The following KCNQ1 variants were observed in gnomAD, a reference collection of about 807,000 sequenced individuals.
KCNQ1 encodes the protein potassium voltage-gated channel subfamily Q member 1.
KCNQ1 carries 49 observed loss-of-function variants against 72.4 expected under a neutral mutation model. That is an observed-to-expected ratio of 0.68 (90% CI 0.54 to 0.86). The LOEUF is 0.86. Among genes scored for constraint, KCNQ1 ranks in the 40% least tolerant of loss-of-function variants. The probability of loss-of-function intolerance (pLI) is 0.00; values close to 1 mark genes in which losing one functional copy is unlikely to be tolerated. For missense variants in KCNQ1, 790 were observed against 945.1 expected (o/e 0.84, Z 2.15); for synonymous variants, 450 against 412.6 (o/e 1.09, Z -1.10).
chr11:2,456,878 G>T (rs893325661), intron 1 of KCNQ1, among the ~76,000 whole-genome samples: 2 of 145,888 alleles, frequency 1.4e-5, no homozygotes, highest in African/African-American at 5.1e-5. Context: ...GACGGAGCTT[G>T]CAGTAAGCCG....
intron 1 of KCNQ1, among the ~76,000 whole-genome samples, chr11:2,476,265 T>C (rs1846567435): frequency 1.3e-5 from 2 of 152,164 alleles, no homozygotes; most frequent in African/African-American, 4.8e-5. Flanking sequence ...ATATCTCTGA[T>C]TTCAACGTAT....
intron 3 of KCNQ1, 70 bp downstream of exon 3, chr11:2,570,824 C>A: frequency 1.3e-6 from 2 of 1,593,990 alleles, no homozygotes; most frequent in Non-Finnish European, 8.5e-7. Context: ...ACCTCATGAC[C>A]CCTACCAGAT....
Position 2,463,664 on chromosome 11 carries a change from A to T in KCNQ1, c.386+18180A>T, listed in dbSNP as rs770096345. Reference sequence around the variant, plus strand: ...ACTCCCTGTGCTGGGCACTGCGCTGAGCTCAACACACAGGGGCTCGGGGAG... The same window carrying T: ...ACTCCCTGTGCTGGGCACTGCGCTGTGCTCAACACACAGGGGCTCGGGGAG... On this transcript the variant is annotated intron_variant, in intron 1 of 15. Transcript: ENST00000155840. This position sits in a 1 kb window ranked among gnomAD's most constrained non-coding sequence, Gnocchi z 7.0. Among the ~76,000 whole-genome samples, 2 of 152,114 alleles carry T rather than the reference A, an allele frequency of 1.3e-5. No individual in the cohort carries two copies. Among genetic ancestry groups the T allele is most frequent in the Non-Finnish European group, 2.9e-5 (2 of 68,014 alleles).
intron 10 of KCNQ1, chr11:2,609,180 T>TA (rs759417486): frequency 7.3e-5 from 29 of 398,184 alleles, no homozygotes; most frequent in Admixed American, 5.7e-4. Context: ...ATTCCATCTT[T>TA]ACACTGCTTT....
chr11:2,628,091 A>G, intron 10 of KCNQ1: 2 of 398,612 alleles, frequency 5.0e-6, no homozygotes, highest in East Asian at 3.6e-5. Flanking sequence ...TAACACTACA[A>G]TGAACATGGG....
rs565394479 is a variant in KCNQ1 at position 2,635,942 on chromosome 11, G to A, written c.1394-26019G>A. The A allele has an allele frequency of 4.2e-3, 632 of 152,248 alleles. 4 individuals are homozygous for A. The highest frequency in any genetic ancestry group is 0.015 in the African/African-American group (612 of 41,538). The allele number at this position is 152,248 out of a possible 1,614,324, so 9.4% of individuals were successfully genotyped here. ...TCCTAGGTATTTTATTCTCTTTGAA[G>A]CAATTGTGAATGGGAGTTCACTCAT... On this transcript the variant is annotated intron_variant, in intron 10 of 15. Transcript: ENST00000155840.
At chr11:2,542,099 A>G (rs1847837160) in intron 2 of KCNQ1, among the ~76,000 whole-genome samples, 4 of 152,354 alleles carry the variant, frequency 2.6e-5, no homozygotes, top group African/African-American at 9.6e-5. Context: ...GGGGGTATCC[A>G]GACTCCTGAG....
rs775316135 is a variant in KCNQ1, at chr11:2,509,153, C to T, written c.387-18775C>T. Among the ~76,000 whole-genome samples, 2 of 152,234 alleles carry T rather than the reference C, an allele frequency of 1.3e-5. No homozygotes were observed. Among genetic ancestry groups the T allele is most frequent in the Non-Finnish European group, 2.9e-5 (2 of 68,044 alleles). On this transcript the variant is annotated intron_variant, in intron 1 of 15. Coordinates refer to ENST00000155840, the MANE Select transcript of KCNQ1 (RefSeq NM_000218.3). The surrounding 1 kb of genome is among the most constrained non-coding windows in gnomAD (Gnocchi z 6.3). ...GGGGGAAGGACTCTGTTACCAAAAG[C>T]ACACAGCACAGGTTGGGAGAGCAAC...
Position 2,494,950 on chromosome 11 carries a change from G to T in KCNQ1, c.387-32978G>T, listed in dbSNP as rs57250366. Among the ~76,000 whole-genome samples, 3,072 of 152,174 alleles carry T rather than the reference G, an allele frequency of 0.02. 85 individuals carry two copies. Among genetic ancestry groups the T allele is most frequent in the African/African-American group, 0.054 (2,237 of 41,516 alleles). On this transcript the variant is annotated intron_variant, in intron 1 of 15. Coordinates refer to ENST00000155840, the MANE Select transcript of KCNQ1 (RefSeq NM_000218.3). The surrounding 1 kb of genome is among the most constrained non-coding windows in gnomAD (Gnocchi z 4.6). ...TCTTTGTGCCTCTGGTAGAATTTGGGTGTGAATCCGTCTGGTCCTGGGCTT... is the reference window on the plus strand; with the variant it reads ...TCTTTGTGCCTCTGGTAGAATTTGGTTGTGAATCCGTCTGGTCCTGGGCTT...
rs1847746049 is a variant in KCNQ1 at position 2,537,149 on chromosome 11, CA to C, written c.477+9132del. ...TCATCATATGAATTTGAGGGCAACC[CA>C]GGGGTCTCCAAACCATGGCCCACAG... On this transcript the variant is annotated intron_variant, in intron 2 of 15. Coordinates refer to ENST00000155840, the MANE Select transcript of KCNQ1 (RefSeq NM_000218.3). The surrounding 1 kb of genome is among the most constrained non-coding windows in gnomAD (Gnocchi z 5.2). Among the ~76,000 whole-genome samples the C allele has an allele frequency of 6.6e-6, 1 of 151,856 alleles. No individual in the cohort carries two copies. Among genetic ancestry groups the C allele is most frequent in the Admixed American group, 6.5e-5 (1 of 15,268 alleles).
At chr11:2,732,550 C>T (rs557268500) in intron 11 of KCNQ1, among the ~76,000 whole-genome samples, 2 of 152,296 alleles carry the variant, frequency 1.3e-5, no homozygotes, top group African/African-American at 4.8e-5. Flanking sequence ...CAGTGAGGAG[C>T]GCAGGCGAAT....
Position 2,682,560 on chromosome 11 carries a change from G to A in KCNQ1, c.1514+20479G>A, listed in dbSNP as rs1215424175. ...AGGACCCTGGCAGGGGTTCCATAAG[G>A]CTATGCTGGGGTTCAGGCAACCCAA... is the stretch of plus-strand genomic sequence containing the variant. On this transcript the variant is annotated intron_variant, in intron 11 of 15. Coordinates refer to ENST00000155840, the MANE Select transcript of KCNQ1 (RefSeq NM_000218.3). The surrounding 1 kb of genome is among the most constrained non-coding windows in gnomAD (Gnocchi z 5.8). The A allele has an allele frequency of 5.0e-6, 2 of 398,444 alleles. No homozygotes were observed. Among genetic ancestry groups the A allele is most frequent in the Non-Finnish European group, 8.8e-6 (2 of 226,096 alleles). The allele number at this position is 398,444 out of a possible 1,614,324, so 24.7% of individuals were successfully genotyped here.
At chr11:2,742,766 G>T (rs567475975) in intron 11 of KCNQ1, among the ~76,000 whole-genome samples, 3 of 152,216 alleles carry the variant, frequency 2.0e-5, no homozygotes, top group Non-Finnish European at 2.9e-5. Context: ...ATGCGCGGGG[G>T]CCCGCTGTGG....
At chr11:2,585,454 G>A (rs1848579955) in intron 8 of KCNQ1, 147 bp downstream of exon 8, 1 of 771,770 alleles carries the variant, frequency 1.3e-6, no homozygotes, top group African/African-American at 1.7e-5. Context: ...GGAAGCCTTG[G>A]CTGCTGTGGT....
At position 2,813,782 on chromosome 11, in the gene KCNQ1, G is replaced by A. The variant is rs572083929; in HGVS notation, c.1795-33985G>A. ...CTGCTTGTGGAAAGAATGAGGGCGG[G>A]CACATAGGCCTGGGGTGTGGGGAGC... On this transcript the variant is annotated intron_variant, in intron 15 of 15. Transcript: ENST00000155840. This position sits in a 1 kb window ranked among gnomAD's most constrained non-coding sequence, Gnocchi z 4.4. Among the ~76,000 whole-genome samples, 11 of 152,198 alleles carry A rather than the reference G, an allele frequency of 7.2e-5. No homozygotes were observed. In the East Asian group the frequency reaches 1.7e-3, roughly 24 times the overall value.
Position 2,544,293 on chromosome 11 carries a change from T to TATATATGTGTATATGTGTATATATATAC in KCNQ1, c.477+16275_477+16276insATATATGTGTATATGTGTATATATATAC. On this transcript the variant is annotated intron_variant, in intron 2 of 15. Transcript: ENST00000155840. The surrounding 1 kb of genome is among the most constrained non-coding windows in gnomAD (Gnocchi z 4.4). ...GTGTATATATATGTGTATATATATATGTATATATGTGTATATATGTATATA... is the reference window on the plus strand; with the variant it reads ...GTGTATATATATGTGTATATATATATATATATGTGTATATGTGTATATATATACGTATATATGTGTATATATGTATATA... Among the ~76,000 whole-genome samples the TATATATGTGTATATGTGTATATATATAC allele has an allele frequency of 7.3e-6, 1 of 136,540 alleles. No homozygotes were observed. Among genetic ancestry groups the TATATATGTGTATATGTGTATATATATAC allele is most frequent in the African/African-American group, 3.2e-5 (1 of 31,662 alleles). The allele number at this position is 136,540 out of a possible 152,430, so 89.6% of individuals were successfully genotyped here.
At position 2,466,172 on chromosome 11, in the gene KCNQ1, G is replaced by A. The variant is rs1035273299; in HGVS notation, c.386+20688G>A. 3.9e-5 allele frequency among the ~76,000 whole-genome samples: 6 copies of A among 152,304 alleles called. No homozygotes were observed. The East Asian group carries it at 5.8e-4, about 15-fold the overall frequency. ...TGAGGAAGCTGGAACAGTGACCTTCGTTGTTGGGGGAGGAGATGCAGGCAG... is the reference window on the plus strand; with the variant it reads ...TGAGGAAGCTGGAACAGTGACCTTCATTGTTGGGGGAGGAGATGCAGGCAG... On this transcript the variant is annotated intron_variant, in intron 1 of 15. Coordinates refer to ENST00000155840, the MANE Select transcript of KCNQ1 (RefSeq NM_000218.3).
Position 2,491,051 on chromosome 11 carries a change from G to T in KCNQ1, c.387-36877G>T, listed in dbSNP as rs1348995958. Among the ~76,000 whole-genome samples the T allele has an allele frequency of 1.3e-5, 2 of 152,186 alleles. No individual in the cohort carries two copies. The highest frequency in any genetic ancestry group is 1.5e-5 in the Non-Finnish European group (1 of 68,042). On this transcript the variant is annotated intron_variant, in intron 1 of 15. Coordinates refer to ENST00000155840, the MANE Select transcript of KCNQ1 (RefSeq NM_000218.3). The surrounding 1 kb of genome is among the most constrained non-coding windows in gnomAD (Gnocchi z 4.1). The stretch of plus-strand genomic sequence containing the variant: ...GTCTGCAAGAACCACAGTGTTACTG[G>T]GCTTGGGATGCTGCCTAATGCAGAT...
rs1421937717 is a variant in KCNQ1, at chr11:2,816,213, G to A, written c.1795-31554G>A. On this transcript the variant is annotated intron_variant, in intron 15 of 15. Transcript: ENST00000155840. This position sits in a 1 kb window ranked among gnomAD's most constrained non-coding sequence, Gnocchi z 6.8. ...AGAGTTCCTGCTGCAGTGTGGAAAA[G>A]ACAAACAGGCGAGTGAAGTGGATAA... Among the ~76,000 whole-genome samples the A allele has an allele frequency of 6.6e-6, 1 of 152,252 alleles. No homozygotes were observed. Among genetic ancestry groups the A allele is most frequent in the Admixed American group, 6.5e-5 (1 of 15,284 alleles).
Sources: gnomAD v4.1 joint callset for allele counts (sites outside exome capture counted in the v4.1 genomes callset) on GRCh38, gnomAD v4.1.1 for gene constraint, Gnocchi (gnomAD v3.1) non-coding constraint, MANE v1.5 for transcripts, NCBI Gene and HGNC (gene_info 2026-07-23, HGNC 2026-07-21) for gene names.